The following CTBP1 variants were observed in gnomAD, a reference collection of about 807,000 sequenced individuals.
The protein encoded by CTBP1 is C-terminal-binding protein 1.
Under a neutral mutation model 42.1 loss-of-function variants are expected in CTBP1, and 11 were observed. That is an observed-to-expected ratio of 0.26 (90% confidence interval 0.16 to 0.43). CTBP1 has a LOEUF of 0.43. CTBP1 is among the 20% of genes least tolerant of loss of function. The pLI is 1.00. For synonymous variants in CTBP1, 324 were observed against 277.1 expected (o/e 1.17, Z -1.68); for missense variants, 399 against 624.3 (o/e 0.64, Z 3.85).
intron 5 of CTBP1, chr4:1,223,474 C>T (rs1202932776): frequency 4.4e-6 from 2 of 456,202 alleles, no homozygotes; most frequent in Admixed American, 4.7e-5. Flanking sequence ...TCCCCAAACG[C>T]TGGCGGGACA....
At chr4:1,224,742 CTG>C (rs1577038483) in intron 5 of CTBP1, among the ~76,000 whole-genome samples, 1 of 149,838 alleles carries the variant, frequency 6.7e-6, no homozygotes, top group Non-Finnish European at 1.5e-5. Flanking sequence ...GCTGTGACAT[CTG>C]TGTTATCTGT....
Position 1,242,557 on chromosome 4 carries a change from C to T in CTBP1, c.-188-1038G>A, listed in dbSNP as rs991061080. The T allele has an allele frequency of 4.6e-5, 45 of 985,304 alleles. No individual in the cohort carries two copies. The African/African-American group carries it at 7.7e-4, about 17-fold the overall frequency. The allele number at this position is 985,304 out of a possible 1,614,324, so 61.0% of individuals were successfully genotyped here. A position where few individuals can be genotyped will look rare whatever the true frequency, so the allele number is the denominator to read the frequency against. Reference sequence around the variant, plus strand: ...GCAGGATTCAAGCATACATGCCGACCATCTCCAGCTTCCAGAGACACCATC... The same window carrying T: ...GCAGGATTCAAGCATACATGCCGACTATCTCCAGCTTCCAGAGACACCATC... On this transcript the variant is annotated intron_variant, in intron 1 of 9. Coordinates refer to ENST00000382952, the MANE Select transcript of CTBP1 (RefSeq NM_001012614.2).
intron 5 of CTBP1, among the ~76,000 whole-genome samples, chr4:1,219,958 A>G (rs2108731190): frequency 6.6e-6 from 1 of 152,342 alleles, no homozygotes; most frequent in East Asian, 1.9e-4. Context: ...TGTAATCCCA[A>G]CACTTCGGGA....
chr4:1,212,832 CT>C, intron 9 of CTBP1, 80 bp downstream of exon 9: 3 of 1,255,788 alleles, frequency 2.4e-6, no homozygotes, highest in Non-Finnish European at 3.5e-6. Flanking sequence ...GACGCCGCCC[CT>C]CCCACCAGGG....
rs200024593 is a variant in CTBP1, at chr4:1,238,143, C to A, written c.162+40G>T. The A allele has an allele frequency of 7.4e-6, 12 of 1,612,086 alleles. No individual in the cohort carries two copies. In the East Asian group the frequency reaches 2.2e-4, roughly 30 times the overall value. Reference sequence around the variant, plus strand: ...CTCCCGTCCCTCCAACTCCCCCCAACGTGCGGTTCTGCCAGCCCCAGGCGA... The same window carrying A: ...CTCCCGTCCCTCCAACTCCCCCCAAAGTGCGGTTCTGCCAGCCCCAGGCGA... On this transcript the variant is annotated intron_variant, in intron 3 of 9. Transcript: ENST00000382952. The surrounding 1 kb of genome is among the most constrained non-coding windows in gnomAD (Gnocchi z 5.9).
intron 3 of CTBP1, chr4:1,237,571 T>C (rs76762203): frequency 0.055 from 17,393 of 318,520 alleles, 811 homozygotes; most frequent in East Asian, 0.29. Context: ...GGACAAACCC[T>C]GTGTCCACCT....
At chr4:1,228,433 A>G (rs558581484) in intron 3 of CTBP1, 90 bp from the exon 4 acceptor site, 1 of 1,491,866 alleles carries the variant, frequency 6.7e-7, no homozygotes, top group East Asian at 2.3e-5. Flanking sequence ...CTGGGAAATT[A>G]GCCTGTGGCC....
chr4:1,230,864 G>A (rs906213659), intron 3 of CTBP1, among the ~76,000 whole-genome samples: 30 of 152,236 alleles, frequency 2.0e-4, no homozygotes, highest in Admixed American at 2.0e-3. Flanking sequence ...CGAAGCGTGC[G>A]CCGGCCAAGG....
intron 5 of CTBP1, among the ~76,000 whole-genome samples, chr4:1,222,114 G>A (rs1344252299): frequency 6.6e-6 from 1 of 152,228 alleles, no homozygotes; most frequent in Non-Finnish European, 1.5e-5. Context: ...CACCCTGGGA[G>A]AGCCTGAGTG....
chr4:1,241,189 T>G (rs1389253264), intron 2 of CTBP1, 136 bp downstream of exon 2: 9 of 739,960 alleles, frequency 1.2e-5, no homozygotes, highest in African/African-American at 8.8e-5. Context: ...ACACCGGGGG[T>G]CAGGTGGCAG....
intron 5 of CTBP1, chr4:1,216,414 G>A: frequency 1.7e-6 from 1 of 606,016 alleles, no homozygotes; most frequent in Non-Finnish European, 2.9e-6. Flanking sequence ...CGGAGGAGAT[G>A]CACAGGGGTG....
In CTBP1 at chr4:1,216,184, G is replaced by A. The variant is rs913105300; in HGVS notation, c.536C>T (p.Ala179Val). The A allele has an allele frequency of 1.5e-5, 24 of 1,610,304 alleles. No homozygotes were observed. The highest frequency in any genetic ancestry group is 2.2e-4 in the Middle Eastern group (1 of 4,456). ...IGLGRVGQAV[A>V]LRAKAFGFNV... ...GAAGCCGAAGGCCTTGGCCCGCAGC[G>A]CCACTGCCTGCCCCACGCGACCTGG... Residue 179 changes from alanine to valine, a missense_variant, in exon 6 of 10, where the codon GCG becomes GTG. Ala to Val is a moderately conservative substitution (Grantham distance 64, BLOSUM62 0). Coordinates refer to ENST00000382952, the MANE Select transcript of CTBP1 (RefSeq NM_001012614.2).
At chr4:1,228,038 G>A (rs1311691602) in intron 4 of CTBP1, among the ~76,000 whole-genome samples, 161 bp downstream of exon 4, 1 of 152,212 alleles carries the variant, frequency 6.6e-6, no homozygotes, top group Non-Finnish European at 1.5e-5. Flanking sequence ...CTGAATGGCT[G>A]CAACCTCATG....
intron 5 of CTBP1, chr4:1,221,479 A>G (rs1233684506): frequency 6.4e-6 from 1 of 156,518 alleles, no homozygotes; most frequent in Non-Finnish European, 1.4e-5. Flanking sequence ...TTTGTTTGTA[A>G]TATTAGCCAA....
chr4:1,246,139 G>T (rs1165109961), intron 1 of CTBP1, among the ~76,000 whole-genome samples: 1 of 152,302 alleles, frequency 6.6e-6, no homozygotes, highest in Non-Finnish European at 1.5e-5. Context: ...GGGTTACCAC[G>T]ACCCAGTGCG....
intron 7 of CTBP1, 187 bp downstream of exon 7, chr4:1,214,156 C>A: frequency 1.4e-6 from 1 of 726,198 alleles, no homozygotes; most frequent in Non-Finnish European, 2.1e-6. Flanking sequence ...AGGACCGAGG[C>A]AAGGCAGGCC....
intron 5 of CTBP1, chr4:1,221,743 A>AG: frequency 2.5e-6 from 1 of 394,508 alleles, no homozygotes; most frequent in South Asian, 1.8e-5. Flanking sequence ...CCACGGGAGA[A>AG]GGGGGCCCGA....
At chr4:1,226,359 G>C (rs1361172341) in intron 4 of CTBP1, among the ~76,000 whole-genome samples, 1 of 152,120 alleles carries the variant, frequency 6.6e-6, no homozygotes, top group Non-Finnish European at 1.5e-5. Flanking sequence ...GAGGAGGAGG[G>C]GGCAGGAGGC....
At chr4:1,249,615 G>A, upstream of CTBP1, 2 of 382,642 alleles carry the variant, frequency 5.2e-6, no homozygotes, top group South Asian at 1.7e-5. Context: ...GAGGCCGCGG[G>A]CCCCCCATCG....
Sources: gnomAD v4.1 joint callset for allele counts (sites outside exome capture counted in the v4.1 genomes callset) on GRCh38, gnomAD v4.1.1 for gene constraint, Gnocchi (gnomAD v3.1) non-coding constraint, MANE v1.5 for transcripts, NCBI Gene and HGNC (gene_info 2026-07-23, HGNC 2026-07-21) for gene names.